DENND2A: variants seen among roughly 807,000 people sequenced by gnomAD.
DENND2A encodes the protein DENN domain-containing protein 2A.
DENND2A carries 53 observed loss-of-function variants against 105.3 expected under a neutral mutation model. The observed-to-expected ratio is 0.50, with a 90% CI of 0.40 to 0.63. The LOEUF (loss-of-function observed/expected upper bound fraction) is 0.63, where lower values mean the gene tolerates loss of function less well. DENND2A is among the 30% of genes least tolerant of loss of function. DENND2A has a pLI of 0.00. For synonymous variants in DENND2A, 522 were observed against 508.4 expected (o/e 1.03, Z -0.36); for missense variants, 1,138 against 1,279.6 (o/e 0.89, Z 1.69).
chr7:140,587,053 C>T (rs79146459), intron 4 of DENND2A, among the ~76,000 whole-genome samples: 4,492 of 152,278 alleles, frequency 0.029, 111 homozygotes, highest in African/African-American at 0.07. Flanking sequence ...TCTCAGAGGA[C>T]GCTTTAGAGC....
chr7:140,574,046 C>G (rs1161896056), intron 5 of DENND2A, 38 bp from the exon 6 acceptor site: 1 of 1,609,988 alleles, frequency 6.2e-7, no homozygotes, highest in South Asian at 1.1e-5. Context: ...TAAATGAATT[C>G]AAAGGAGACT....
intron 12 of DENND2A, among the ~76,000 whole-genome samples, chr7:140,550,344 C>T (rs949403539): frequency 6.6e-6 from 1 of 150,766 alleles, no homozygotes; most frequent in Non-Finnish European, 1.5e-5. Context: ...GGACGCCCAC[C>T]ACCACACTCA....
At chr7:140,632,864 CTTTT>C (rs1158154967) in intron 1 of DENND2A, among the ~76,000 whole-genome samples, 2 of 117,248 alleles carry the variant, frequency 1.7e-5, no homozygotes, top group Non-Finnish European at 1.8e-5. Flanking sequence ...CATGCCTGGC[CTTTT>C]TTTTTTTTTT....
intron 1 of DENND2A, among the ~76,000 whole-genome samples, chr7:140,637,718 C>T (rs913006925): frequency 2.6e-5 from 4 of 152,174 alleles, no homozygotes; most frequent in East Asian, 1.9e-4. Context: ...CCTGCTTCCC[C>T]GGGGGTCAGG....
intron 5 of DENND2A, among the ~76,000 whole-genome samples, chr7:140,583,505 T>A (rs750583159): frequency 2.7e-5 from 4 of 150,054 alleles, no homozygotes; most frequent in Non-Finnish European, 5.9e-5. Flanking sequence ...AAAAATGACC[T>A]CGCTGGTTGG....
chr7:140,558,501 G>A (rs1797474760), intron 10 of DENND2A, among the ~76,000 whole-genome samples: 2 of 151,940 alleles, frequency 1.3e-5, no homozygotes, highest in Admixed American at 6.6e-5. Context: ...TTCGAGACCC[G>A]CCTGGCCAAT....
chr7:140,607,310 CAGAG>C (rs1434687228), intron 1 of DENND2A, among the ~76,000 whole-genome samples: 1 of 152,006 alleles, frequency 6.6e-6, no homozygotes, highest in African/African-American at 2.4e-5. Context: ...GGAGGAAGTC[CAGAG>C]AGAAAGAGAA....
intron 14 of DENND2A, among the ~76,000 whole-genome samples, chr7:140,537,069 C>T (rs1056486897): frequency 2.0e-5 from 3 of 152,180 alleles, no homozygotes; most frequent in African/African-American, 7.2e-5. Context: ...TTATGGATGC[C>T]AGAGCAGCAA....
At chr7:140,617,003 G>A (rs746756177) in intron 1 of DENND2A, among the ~76,000 whole-genome samples, 14 of 152,172 alleles carry the variant, frequency 9.2e-5, no homozygotes, top group Non-Finnish European at 8.8e-5. Flanking sequence ...GACTCCTGGC[G>A]TGTGCCACCA....
intron 1 of DENND2A, among the ~76,000 whole-genome samples, chr7:140,634,208 C>T (rs1175106444): frequency 1.3e-5 from 2 of 152,022 alleles, no homozygotes; most frequent in African/African-American, 2.4e-5. Flanking sequence ...CCGTGTTAGC[C>T]AGGACCGTCT....
intron 12 of DENND2A, among the ~76,000 whole-genome samples, chr7:140,547,156 C>G (rs1246697271): frequency 6.6e-6 from 1 of 152,330 alleles, no homozygotes; most frequent in African/African-American, 2.4e-5. Context: ...AATGTTGCAG[C>G]TCCTACTCAG....
chr7:140,547,852 A>G (rs1796969310), intron 12 of DENND2A, among the ~76,000 whole-genome samples: 1 of 152,220 alleles, frequency 6.6e-6, no homozygotes, highest in Non-Finnish European at 1.5e-5. Context: ...TGAAAACATT[A>G]TGCTAAATGA....
chr7:140,579,380 T>A (rs1798440538), intron 5 of DENND2A, among the ~76,000 whole-genome samples: 1 of 146,678 alleles, frequency 6.8e-6, no homozygotes, highest in East Asian at 1.9e-4. Flanking sequence ...GCATATACAA[T>A]ATAATGACAA....
chr7:140,612,505 AT>A (rs552346129), intron 1 of DENND2A, among the ~76,000 whole-genome samples: 10,691 of 145,348 alleles, frequency 0.074, 1,241 homozygotes, highest in African/African-American at 0.25. Context: ...TGTTATACTA[AT>A]TTTTTTTTTT....
Position 140,559,165 on chromosome 7 carries a change from G to A in DENND2A, c.1889+543C>T, listed in dbSNP as rs2130569987. On this transcript the variant is annotated intron_variant, in intron 10 of 19. Transcript: ENST00000496613. This position sits in a 1 kb window ranked among gnomAD's most constrained non-coding sequence, Gnocchi z 4.1. ...GTGCCCCTCTTGGAATTGCCCTGGG[G>A]CAGCTCTCTCAGGGCATGGTCTGTA... Among the ~76,000 whole-genome samples, 1 of 152,284 alleles carries A rather than the reference G, an allele frequency of 6.6e-6. No homozygotes were observed. The highest frequency in any genetic ancestry group is 2.4e-5 in the African/African-American group (1 of 41,554).
chr7:140,551,156 CTGGG>C (rs1361491274), intron 12 of DENND2A, among the ~76,000 whole-genome samples: 1 of 151,524 alleles, frequency 6.6e-6, no homozygotes, highest in Non-Finnish European at 1.5e-5. Flanking sequence ...CAAAAATTAG[CTGGG>C]TGTGGTGGCG....
At chr7:140,535,250 CT>C (rs1796416110) in intron 14 of DENND2A, among the ~76,000 whole-genome samples, 1 of 152,192 alleles carries the variant, frequency 6.6e-6, no homozygotes, top group Admixed American at 6.6e-5. Flanking sequence ...AGCAAAGTAG[CT>C]CTCCTATTGG....
At chr7:140,632,933 C>T (rs1800783836) in intron 1 of DENND2A, among the ~76,000 whole-genome samples, 1 of 150,336 alleles carries the variant, frequency 6.7e-6, no homozygotes, top group Non-Finnish European at 1.5e-5. Context: ...GCAATCTCAG[C>T]TCACTGCAAC....
chr7:140,529,100 G>A (rs912102449), intron 14 of DENND2A, among the ~76,000 whole-genome samples: 2 of 152,116 alleles, frequency 1.3e-5, no homozygotes, highest in African/African-American at 4.8e-5. Flanking sequence ...GTGAGGCACT[G>A]CCTCAAAAAC....
Sources: gnomAD v4.1 joint callset for allele counts (sites outside exome capture counted in the v4.1 genomes callset) on GRCh38, gnomAD v4.1.1 for gene constraint, Gnocchi (gnomAD v3.1) non-coding constraint, MANE v1.5 for transcripts, NCBI Gene and HGNC (gene_info 2026-07-23, HGNC 2026-07-21) for gene names.